Variants in ZNF141 observed in about 807,000 individuals in gnomAD.
ZNF141 encodes zinc finger protein 141.
A neutral mutation model predicts 11.3 loss-of-function variants in ZNF141; 7 were observed. That is an observed-to-expected ratio of 0.62 (90% confidence interval 0.35 to 1.16). The LOEUF is 1.16. ZNF141 is among the 50% of genes most tolerant of loss of function. The pLI, the probability that ZNF141 is intolerant of heterozygous loss-of-function variation, is 0.02. For synonymous variants in ZNF141, 183 were observed against 190.7 expected (o/e 0.96, Z 0.33); for missense variants, 535 against 554.0 (o/e 0.97, Z 0.34).
intron 3 of ZNF141, among the ~76,000 whole-genome samples, chr4:364,015 C>T (rs1395734381): frequency 6.6e-6 from 1 of 152,096 alleles, no homozygotes; most frequent in East Asian, 1.9e-4. Context: ...GTATGTTGAA[C>T]CAGCCTTGCA....
intron 3 of ZNF141, among the ~76,000 whole-genome samples, chr4:371,910 T>G (rs1034313403): frequency 4.6e-5 from 7 of 152,244 alleles, no homozygotes; most frequent in Admixed American, 2.0e-4. Context: ...CATGTTTGGT[T>G]GTTATTTGTA....
intron 3 of ZNF141, among the ~76,000 whole-genome samples, chr4:371,752 A>G (rs1243385710): frequency 7.1e-6 from 1 of 141,740 alleles, no homozygotes; most frequent in Non-Finnish European, 1.5e-5. Context: ...ATGTTAGCCA[A>G]GATGGTCTCT....
At chr4:371,537 A>G (rs1268108917) in intron 3 of ZNF141, among the ~76,000 whole-genome samples, 2 of 90,570 alleles carry the variant, frequency 2.2e-5, no homozygotes, top group Non-Finnish European at 4.6e-5. Context: ...ACCTTTTGTG[A>G]TAATTTGTGT....
chr4:345,393 T>C (rs1553849367), intron 3 of ZNF141, among the ~76,000 whole-genome samples: 1 of 152,208 alleles, frequency 6.6e-6, no homozygotes, highest in African/African-American at 2.4e-5. Context: ...AATTATAATA[T>C]AGTTTAAAGC....
In ZNF141 at chr4:348,746, A is replaced by G. The variant is rs891384045; in HGVS notation, c.226+4316A>G. Reference sequence around the variant, plus strand: ...TCCATCTCAAAAAAAAAAAAAAAACAAGTATGATGCCCCCAGCTTTGTTCT... The same window carrying G: ...TCCATCTCAAAAAAAAAAAAAAAACGAGTATGATGCCCCCAGCTTTGTTCT... On this transcript the variant is annotated intron_variant, in intron 3 of 3. Transcript: ENST00000240499. Among the ~76,000 whole-genome samples, 9 of 151,610 alleles carry G rather than the reference A, an allele frequency of 5.9e-5. No individual in the cohort carries two copies. In the East Asian group the frequency reaches 1.7e-3, roughly 29 times the overall value.
In ZNF141 at chr4:346,893, A is replaced by ACACCCCC. The variant is rs373224939; in HGVS notation, c.226+2464_226+2465insACCCCCC. Among the ~76,000 whole-genome samples the ACACCCCC allele has an allele frequency of 1.7e-3, 230 of 135,356 alleles. 12 individuals carry two copies. Among genetic ancestry groups the ACACCCCC allele is most frequent in the African/African-American group, 5.8e-3 (182 of 31,274 alleles). 88.8% of individuals were successfully genotyped at this position (135,356 alleles called of 152,430 possible). A position where few individuals can be genotyped will look rare whatever the true frequency, so the allele number is the denominator to read the frequency against. On this transcript the variant is annotated intron_variant, in intron 3 of 3. Transcript: ENST00000240499. ...TATATATGTATACACACACACACACACCGCCCCCCCCATATATTGGCTACT... is the reference window on the plus strand; with the variant it reads ...TATATATGTATACACACACACACACACACCCCCCCGCCCCCCCCATATATTGGCTACT...
At position 372,952 on chromosome 4, in the gene ZNF141, A is replaced by G. The variant is rs1553853820; in HGVS notation, c.515A>G (p.His172Arg). ...AAGACAAGACATACTGGAGAGAAAC[A>G]CTTTAAAGAATGTGGCAAATCATTT... ...KRKTRHTGEK[H>R]FKECGKSFQK... Residue 172 changes from histidine (H) to arginine (R), a missense_variant, in exon 4 of 4, where the codon CAC (histidine) becomes CGC (arginine). His to Arg is a conservative substitution (Grantham distance 29). Coordinates refer to ENST00000240499, the MANE Select transcript of ZNF141 (RefSeq NM_003441.4). The G allele has an allele frequency of 6.2e-7, 1 of 1,614,112 alleles. No individual in the cohort carries two copies. Among genetic ancestry groups the G allele is most frequent in the East Asian group, 2.2e-5 (1 of 44,856 alleles).
chr4:339,423 C>T (rs961612722), intron 1 of ZNF141, among the ~76,000 whole-genome samples: 1 of 152,346 alleles, frequency 6.6e-6, no homozygotes, highest in South Asian at 2.1e-4. Flanking sequence ...CTTTCTTCTG[C>T]TCTTTTCTTC....
intron 1 of ZNF141, among the ~76,000 whole-genome samples, chr4:343,447 T>C (rs1362142990): frequency 2.6e-5 from 4 of 152,136 alleles, no homozygotes; most frequent in Non-Finnish European, 4.4e-5. Context: ...TCCCTTCGGC[T>C]GGGCGCAGTG....
At chr4:338,256 C>CG in intron 1 of ZNF141, 1 of 418,812 alleles carries the variant, frequency 2.4e-6, no homozygotes, top group South Asian at 2.4e-5. Context: ...GGAAGCCGCC[C>CG]GCGCGGCGTG....
intron 3 of ZNF141, among the ~76,000 whole-genome samples, chr4:361,598 A>T: frequency 6.6e-6 from 1 of 152,000 alleles, no homozygotes; most frequent in African/African-American, 2.4e-5. Flanking sequence ...TCATTGTTCA[A>T]TTCCCACCTG....
rs1327106303 is a variant in ZNF141, at chr4:379,529, C to G, written c.*5667C>G. On this transcript the variant is annotated 3_prime_UTR_variant, in exon 4 of 4. Coordinates refer to ENST00000240499, the MANE Select transcript of ZNF141 (RefSeq NM_003441.4). ...AGCTGGCATTACAGGTGTGCACCAC[C>G]ATGCCTGGCTAATTTTTATATTGTT... Among the ~76,000 whole-genome samples the G allele has an allele frequency of 1.3e-5, 2 of 152,124 alleles. No homozygotes were observed. The highest frequency in any genetic ancestry group is 2.4e-5 in the African/African-American group (1 of 41,440).
intron 3 of ZNF141, among the ~76,000 whole-genome samples, chr4:352,247 C>A (rs1357342976): frequency 1.3e-5 from 2 of 152,048 alleles, no homozygotes; most frequent in South Asian, 4.1e-4. Context: ...ATTAGCCGGG[C>A]GTGGTGGTGG....
At chr4:367,464 T>C (rs1711801637) in intron 3 of ZNF141, among the ~76,000 whole-genome samples, 1 of 152,178 alleles carries the variant, frequency 6.6e-6, no homozygotes, top group South Asian at 2.1e-4. Context: ...CATATGTCTG[T>C]ATCTCAGATT....
rs781962721 is a variant in ZNF141, at chr4:381,338, A to T, written c.*7476A>T. ...CGAGCAGTCAGAACTCACAGCTCTG[A>T]CCAAACCCCTAGAACTAAGAAAGAA... On this transcript the variant is annotated 3_prime_UTR_variant, in exon 4 of 4. Transcript: ENST00000240499. Among the ~76,000 whole-genome samples the T allele has an allele frequency of 6.6e-6, 1 of 150,618 alleles. No homozygotes were observed. The highest frequency in any genetic ancestry group is 1.5e-5 in the Non-Finnish European group (1 of 67,840).
At chr4:367,038 A>G (rs1369091730) in intron 3 of ZNF141, among the ~76,000 whole-genome samples, 1 of 152,274 alleles carries the variant, frequency 6.6e-6, no homozygotes, top group Non-Finnish European at 1.5e-5. Context: ...TCAACGAATT[A>G]GGTATAGATC....
rs1354421354 is a variant in ZNF141, at chr4:380,451, A to G, written c.*6589A>G. On this transcript the variant is annotated 3_prime_UTR_variant, in exon 4 of 4. Transcript: ENST00000240499. ...GGTGGATCATGAGGTCAGGAGTTTG[A>G]GACCAGTCTGGCCAACATGGTGAAA... Among the ~76,000 whole-genome samples the G allele has an allele frequency of 6.6e-6, 1 of 152,132 alleles. No homozygotes were observed. Among genetic ancestry groups the G allele is most frequent in the Non-Finnish European group, 1.5e-5 (1 of 68,028 alleles).
intron 3 of ZNF141, chr4:358,403 C>A: frequency 1.0e-5 from 3 of 288,602 alleles, no homozygotes; most frequent in South Asian, 8.2e-5. Flanking sequence ...CCAGGCTGGT[C>A]TCGAACTCCT....
intron 3 of ZNF141, among the ~76,000 whole-genome samples, chr4:355,541 A>T (rs1326576533): frequency 6.6e-6 from 1 of 152,144 alleles, no homozygotes. Flanking sequence ...ATTTAGTCTC[A>T]TATAAATATA....
Sources: gnomAD v4.1 joint callset for allele counts (sites outside exome capture counted in the v4.1 genomes callset) on GRCh38, gnomAD v4.1.1 for gene constraint, MANE v1.5 for transcripts, NCBI Gene and HGNC (gene_info 2026-07-23, HGNC 2026-07-21) for gene names.